TRPC5: variants seen among roughly 807,000 people sequenced by gnomAD.
The protein encoded by TRPC5 is short transient receptor potential channel 5.
In TRPC5, 9 loss-of-function variants were observed where a neutral mutation model predicts 56.5. The observed-to-expected ratio is 0.16, with a 90% CI of 0.10 to 0.28. The LOEUF (loss-of-function observed/expected upper bound fraction) is 0.28, where lower values mean the gene tolerates loss of function less well. TRPC5 is among the 10% of genes least tolerant of loss of function. The pLI is 1.00. For missense variants in TRPC5, 469 were observed against 748.9 expected (o/e 0.63, Z 4.36); for synonymous variants, 282 against 278.5 (o/e 1.01, Z -0.13).
At chrX:111,927,350 C>T (rs1603102129) in intron 2 of TRPC5, among the ~76,000 whole-genome samples, 2 of 112,274 alleles carry the variant, frequency 1.8e-5, no homozygotes, top group East Asian at 5.7e-4. Context: ...ATAAAACAGT[C>T]TTGGTCACAT....
intron 3 of TRPC5, among the ~76,000 whole-genome samples, chrX:111,858,720 G>A (rs1407777873): frequency 9.0e-6 from 1 of 111,603 alleles, no homozygotes; most frequent in Non-Finnish European, 1.9e-5. Flanking sequence ...AAGGGCCACT[G>A]TTTTACTGGA....
intron 1 of TRPC5, among the ~76,000 whole-genome samples, chrX:111,968,405 A>G (rs1169995425): frequency 8.9e-6 from 1 of 111,784 alleles, no homozygotes; most frequent in African/African-American, 3.3e-5. Flanking sequence ...ACCATTGTGG[A>G]AGTCGGTGTG....
chrX:111,894,670 C>G (rs1238103252), intron 3 of TRPC5, among the ~76,000 whole-genome samples: 2 of 111,810 alleles, frequency 1.8e-5, no homozygotes, highest in Non-Finnish European at 3.8e-5. Flanking sequence ...AGACTCTTAT[C>G]ACTGTCTTGC....
intron 1 of TRPC5, among the ~76,000 whole-genome samples, chrX:112,058,669 T>C (rs776732458): frequency 1.8e-5 from 2 of 112,235 alleles, no homozygotes; most frequent in African/African-American, 3.2e-5. Flanking sequence ...CATCATCCCA[T>C]TTTACAGAGG....
intron 1 of TRPC5, among the ~76,000 whole-genome samples, chrX:111,966,531 G>A (rs1172403772): frequency 9.0e-6 from 1 of 110,675 alleles, no homozygotes; most frequent in Non-Finnish European, 1.9e-5. Context: ...AACCAAAAAA[G>A]AGAATTTTAG....
At chrX:111,791,594 C>T (rs774642612) in intron 7 of TRPC5, among the ~76,000 whole-genome samples, 4 of 112,121 alleles carry the variant, frequency 3.6e-5, no homozygotes, top group Non-Finnish European at 7.5e-5. Flanking sequence ...CATGACCATC[C>T]AAGGGCTTAT....
At chrX:111,942,267 C>T (rs754722264) in intron 2 of TRPC5, among the ~76,000 whole-genome samples, 1 of 112,246 alleles carries the variant, frequency 8.9e-6, no homozygotes, top group African/African-American at 3.2e-5. Flanking sequence ...AAAGCACTAA[C>T]TGGATATTTC....
At chrX:112,055,853 T>C (rs1286324774) in intron 1 of TRPC5, among the ~76,000 whole-genome samples, 1 of 109,788 alleles carries the variant, frequency 9.1e-6, no homozygotes, top group African/African-American at 3.3e-5. Context: ...TTGAAAGTCA[T>C]TGCATTAAAC....
At chrX:111,957,752 T>C (rs1205520687) in intron 1 of TRPC5, among the ~76,000 whole-genome samples, 1 of 112,231 alleles carries the variant, frequency 8.9e-6, no homozygotes, top group Non-Finnish European at 1.9e-5. Flanking sequence ...CCAGAGCACT[T>C]GGTAGTAGGG....
At position 111,770,735 on chromosome X, in the gene TRPC5, C is replaced by T. The variant is rs186999861; in HGVS notation, c.*5578G>A. 1.3e-4 allele frequency among the ~76,000 whole-genome samples: 15 copies of T among 111,571 alleles called. No homozygotes were observed. In the East Asian group the frequency reaches 2.8e-3, roughly 21 times the overall value. ...GTCAGCTTTAAGAGTTGTGTAAGAGCGGAGAACTGTCAAGAGGGTTCCTAG... is the reference window on the plus strand; with the variant it reads ...GTCAGCTTTAAGAGTTGTGTAAGAGTGGAGAACTGTCAAGAGGGTTCCTAG... On this transcript the variant is annotated 3_prime_UTR_variant, in exon 11 of 11. Coordinates refer to ENST00000262839, the MANE Select transcript of TRPC5 (RefSeq NM_012471.3).
intron 1 of TRPC5, among the ~76,000 whole-genome samples, chrX:112,002,598 G>A (rs780538545): frequency 8.9e-6 from 1 of 111,971 alleles, no homozygotes; most frequent in South Asian, 3.7e-4. Flanking sequence ...CTATTGTCTT[G>A]ATTTTTAATG....
chrX:111,938,155 A>G (rs11152682), intron 2 of TRPC5, among the ~76,000 whole-genome samples: 5,324 of 93,000 alleles, frequency 0.057, 211 homozygotes, highest in African/African-American at 0.11. Flanking sequence ...TTTGTCTGTT[A>G]TTGGTGTATA....
chrX:111,916,869 A>G (rs984687801), intron 2 of TRPC5, among the ~76,000 whole-genome samples: 3 of 113,153 alleles, frequency 2.7e-5, no homozygotes, highest in Non-Finnish European at 1.9e-5. Context: ...CCAGTGAACC[A>G]GTTTGTGACC....
intron 3 of TRPC5, among the ~76,000 whole-genome samples, chrX:111,862,260 T>C (rs180937015): frequency 6.3e-5 from 7 of 111,980 alleles, no homozygotes; most frequent in Non-Finnish European, 1.9e-5. Flanking sequence ...GAGAAAAATA[T>C]ATGGCACCAA....
chrX:111,811,641 T>G lies in TRPC5; in HGVS notation c.1896+23280A>C, dbSNP rs777463167. ...AGAACGGTTTGGAATACTCCTGTTC[T>G]ACTTACTAGCTATGTGATCTCAGAC... On this transcript the variant is annotated intron_variant, in intron 7 of 10. Coordinates refer to ENST00000262839, the MANE Select transcript of TRPC5 (RefSeq NM_012471.3). Among the ~76,000 whole-genome samples the G allele has an allele frequency of 2.7e-5, 3 of 111,749 alleles. No homozygotes were observed. The South Asian group carries it at 1.2e-3, about 43-fold the overall frequency.
At chrX:111,886,329 C>T (rs1340685001) in intron 3 of TRPC5, among the ~76,000 whole-genome samples, 1 of 112,430 alleles carries the variant, frequency 8.9e-6, no homozygotes, top group African/African-American at 3.2e-5. Context: ...TCCTCAGTGT[C>T]AGATACTTCA....
intron 3 of TRPC5, among the ~76,000 whole-genome samples, chrX:111,875,812 G>A (rs889333699): frequency 4.6e-5 from 5 of 109,338 alleles, no homozygotes; most frequent in Admixed American, 9.8e-5. Context: ...ACTCCTTTAG[G>A]GTAGCAACCA....
intron 1 of TRPC5, among the ~76,000 whole-genome samples, chrX:111,996,430 C>T (rs141997025): frequency 3.0e-4 from 34 of 111,502 alleles, no homozygotes; most frequent in African/African-American, 9.1e-4. Context: ...AGAATAAGTG[C>T]GATGTGGTGC....
chrX:111,940,067 T>G (rs939775940), intron 2 of TRPC5, among the ~76,000 whole-genome samples: 2 of 111,751 alleles, frequency 1.8e-5, no homozygotes, highest in African/African-American at 6.5e-5. Flanking sequence ...TCCTATAAAT[T>G]TTGATATGTT....
Sources: allele counts gnomAD v4.1 joint callset (sites outside exome capture counted in the v4.1 genomes callset), GRCh38; gene constraint gnomAD v4.1.1; transcripts MANE v1.5; gene names NCBI Gene and HGNC (gene_info 2026-07-23, HGNC 2026-07-21).